The following TRMT44 variants were observed in gnomAD, a reference collection of about 807,000 sequenced individuals.
TRMT44 encodes the protein tRNA methyltransferase 44 homolog, also known as probable tRNA (uracil-O(2)-)-methyltransferase.
TRMT44 carries 78 observed loss-of-function variants against 77.3 expected under a neutral mutation model. The observed-to-expected ratio is 1.01, with a 90% CI of 0.84 to 1.22. The LOEUF (loss-of-function observed/expected upper bound fraction) is 1.22, where lower values mean the gene tolerates loss of function less well. TRMT44 is among the 50% of genes most tolerant of loss of function. The pLI is 0.00. For synonymous variants in TRMT44, 391 were observed against 383.3 expected, an observed-to-expected ratio of 1.02 and a Z score of -0.23; for missense variants, 1,090 against 964.4, an observed-to-expected ratio of 1.13 and a Z score of -1.73.
At chr4:8,468,500 A>C (rs1726759574) in intron 9 of TRMT44, 154 bp downstream of exon 9, 1 of 707,108 alleles carries the variant, frequency 1.4e-6, no homozygotes, top group Non-Finnish European at 2.3e-6. Context: ...TCTTCAAGCA[A>C]ATTCTTTAAA....
At chr4:8,496,301 T>C (rs1202464329), downstream of TRMT44, among the ~76,000 whole-genome samples, 3 of 152,248 alleles carry the variant, frequency 2.0e-5, no homozygotes, top group Non-Finnish European at 4.4e-5. Context: ...TCCAATTCTT[T>C]GTTCAAAACA....
chr4:8,467,914 G>T lies in TRMT44; in HGVS notation c.1495G>T (p.Val499Phe), dbSNP rs766614097. ...CTTGCTTTGCTTTCTTCAAACGCAG[G>T]TCTGTCTCGTTGGAAAATCCAGAAC... Reference protein sequence around the residue: ...DCLRIPSTKRVCLVGKSRTYP... With the variant: ...DCLRIPSTKRFCLVGKSRTYP... Residue 499 changes from valine (V) to phenylalanine (F), a missense_variant and splice_region_variant, in exon 9 of 11, where the codon GTC (valine) becomes TTC (phenylalanine). By Grantham distance (50) the Val-to-Phe change is conservative. Transcript: ENST00000389737. The T allele has an allele frequency of 1.3e-6, 2 of 1,599,274 alleles. No individual in the cohort carries two copies. The highest frequency in any genetic ancestry group is 1.1e-5 in the South Asian group (1 of 90,418).
chr4:8,498,245 C>T (rs1728206643), downstream of TRMT44, among the ~76,000 whole-genome samples: 1 of 152,200 alleles, frequency 6.6e-6, no homozygotes, highest in Non-Finnish European at 1.5e-5. This position sits in a 1 kb window ranked among gnomAD's most constrained non-coding sequence, Gnocchi z 4.3. Flanking sequence ...CTGTGCACTG[C>T]AGGGTCTGGC....
intron 6 of TRMT44, among the ~76,000 whole-genome samples, chr4:8,458,584 A>C (rs1725959819): frequency 6.7e-6 from 1 of 149,794 alleles, no homozygotes; most frequent in African/African-American, 2.5e-5. Flanking sequence ...CCTCTCGAGT[A>C]GCTGGGATTA....
At chr4:8,472,580 A>G (rs1727083745) in intron 10 of TRMT44, among the ~76,000 whole-genome samples, 1 of 152,198 alleles carries the variant, frequency 6.6e-6, no homozygotes, top group Non-Finnish European at 1.5e-5. Flanking sequence ...GTTTGTGCAC[A>G]CACACACACT....
chr4:8,449,647 C>A, intron 2 of TRMT44, 22 bp from the exon 3 acceptor site: 1 of 1,480,468 alleles, frequency 6.8e-7, no homozygotes, highest in Non-Finnish European at 9.1e-7. Flanking sequence ...TGTGCTTATT[C>A]ATATTTCTCT....
intron 6 of TRMT44, among the ~76,000 whole-genome samples, chr4:8,462,867 C>A (rs565904885): frequency 6.6e-6 from 1 of 152,244 alleles, no homozygotes; most frequent in Admixed American, 6.5e-5. Flanking sequence ...GACAGATGGG[C>A]AAACTTAAAT....
At chr4:8,511,257 C>A in the TRMT44 span, among the ~76,000 whole-genome samples, 2 of 152,182 alleles carry the variant, frequency 1.3e-5, no homozygotes, top group African/African-American at 4.8e-5. Context: ...GTCTGAAAAA[C>A]GTCCAGAGGG....
chr4:8,475,062 A>G (rs1164663466), intron 10 of TRMT44, among the ~76,000 whole-genome samples: 1 of 152,162 alleles, frequency 6.6e-6, no homozygotes, highest in East Asian at 1.9e-4. Context: ...TCCAGAGCTC[A>G]TTGGCCTCTG....
At position 8,452,911 on chromosome 4, in the gene TRMT44, GA is replaced by G; in HGVS notation, c.1054del (p.Arg352AspfsTer2). On this transcript the variant is annotated frameshift_variant, in exon 5 of 11. Transcript: ENST00000389737. LOFTEE classifies it high-confidence loss of function. This position sits in a 1 kb window ranked among gnomAD's most constrained non-coding sequence, Gnocchi z 5.7. ...TATGGGAAGAAGAAAGGGCTGAGAGGAGACTAACTGCCAGGCAGTCCTTTGT... is the reference window on the plus strand; with the variant it reads ...TATGGGAAGAAGAAAGGGCTGAGAGGGACTAACTGCCAGGCAGTCCTTTGT... ...ILWEEERAER[R>X]LTARQSFVDL... The G allele has an allele frequency of 6.5e-7, 1 of 1,533,262 alleles. No homozygotes were observed. Among genetic ancestry groups the G allele is most frequent in the Non-Finnish European group, 8.7e-7 (1 of 1,145,476 alleles). The allele number at this position is 1,533,262 out of a possible 1,614,324, so 95.0% of individuals were successfully genotyped here.
chr4:8,475,772 T>C lies in TRMT44; in HGVS notation c.2045T>C (p.Val682Ala), dbSNP rs754075003. 9.9e-6 allele frequency: 16 copies of C among 1,613,858 alleles called. No individual in the cohort carries two copies. The highest frequency in any genetic ancestry group is 1.3e-5 in the Non-Finnish European group (15 of 1,179,936). Residue 682 changes from valine (V) to alanine (A), a missense_variant and splice_region_variant, in exon 11 of 11, where the codon GTT becomes GCT. Val to Ala is a moderately conservative substitution (Grantham distance 64, BLOSUM62 0). Coordinates refer to ENST00000389737, the MANE Select transcript of TRMT44 (RefSeq NM_152544.3). ...LLRNSHQVFQ[V>A]VNGRVHIRDW... ...GTGTCTTCTCTGTTCCAAACCACAG[T>C]TGTGAATGGGAGAGTTCACATCCGC...
At chr4:8,498,054 G>A (rs1330592124), downstream of TRMT44, among the ~76,000 whole-genome samples, 1 of 152,218 alleles carries the variant, frequency 6.6e-6, no homozygotes, top group East Asian at 1.9e-4. The surrounding 1 kb of genome is among the most constrained non-coding windows in gnomAD (Gnocchi z 4.3). Flanking sequence ...CCACTCCAGT[G>A]CAAATCAGGA....
chr4:8,459,306 T>TC (rs1726008837), intron 6 of TRMT44, among the ~76,000 whole-genome samples: 1 of 152,210 alleles, frequency 6.6e-6, no homozygotes, highest in South Asian at 2.1e-4. Context: ...CTGACAGTCA[T>TC]CCAGTGCTGT....
downstream of TRMT44, among the ~76,000 whole-genome samples, chr4:8,496,685 C>T (rs977062686): frequency 2.6e-5 from 4 of 152,152 alleles, no homozygotes; most frequent in African/African-American, 9.7e-5. Flanking sequence ...CCTGCAGATG[C>T]AGGCGGTCAC....
At chr4:8,504,040 G>A in the TRMT44 span, among the ~76,000 whole-genome samples, 2 of 152,094 alleles carry the variant, frequency 1.3e-5, no homozygotes, top group Non-Finnish European at 2.9e-5. The surrounding 1 kb of genome is among the most constrained non-coding windows in gnomAD (Gnocchi z 5.3). Flanking sequence ...GTCCACACCT[G>A]CTCTCTCCTG....
chr4:8,499,105 T>A, the TRMT44 span, among the ~76,000 whole-genome samples: 4 of 152,192 alleles, frequency 2.6e-5, 1 homozygote, highest in African/African-American at 9.6e-5. Flanking sequence ...GGCTGGAGAT[T>A]CAGTTCCCCA....
At chr4:8,465,314 C>A in intron 7 of TRMT44, 64 bp from the exon 8 acceptor site, 1 of 1,499,786 alleles carries the variant, frequency 6.7e-7, no homozygotes, top group South Asian at 1.3e-5. Context: ...TGGCTTTGTT[C>A]CGAATTTCCT....
At chr4:8,514,602 C>T in the TRMT44 span, among the ~76,000 whole-genome samples, 31 of 151,974 alleles carry the variant, frequency 2.0e-4, no homozygotes, top group African/African-American at 9.7e-5. Flanking sequence ...TCCAGCCAGG[C>T]GAAAGCATTT....
In TRMT44 at chr4:8,441,253, C is replaced by T; in HGVS notation, c.431C>T (p.Ser144Leu). 3 of 1,535,564 alleles carry T rather than the reference C, an allele frequency of 2.0e-6. No homozygotes were observed. The highest frequency in any genetic ancestry group is 1.2e-5 in the South Asian group (1 of 83,836). The change falls in exon 1 of 11, where the codon TCG (serine) becomes TTG (leucine). Residue 144 changes from serine to leucine, a missense_variant. By Grantham distance (145) the Ser-to-Leu change is moderately radical (BLOSUM62 -2). Coordinates refer to ENST00000389737, the MANE Select transcript of TRMT44 (RefSeq NM_152544.3). ...EGDFPAADLD[S>L]LWEDFSQSLA... ...GACTTCCCCGCCGCAGATCTGGATT[C>T]GCTTTGGGAGGATTTCTCCCAAAGT...
Sources: allele counts gnomAD v4.1 joint callset (sites outside exome capture counted in the v4.1 genomes callset), GRCh38; gene constraint gnomAD v4.1.1; non-coding constraint Gnocchi (gnomAD v3.1); transcripts MANE v1.5; gene names NCBI Gene and HGNC (gene_info 2026-07-23, HGNC 2026-07-21).